Variants in LPA observed in about 807,000 individuals in gnomAD.
The protein encoded by LPA is lipoprotein(a), also known as apolipoprotein(a).
A neutral mutation model predicts 197.9 loss-of-function variants in LPA; 199 were observed. The ratio of observed to expected loss-of-function variants is 1.01; its 90% confidence interval spans 0.90 to 1.13. The LOEUF (loss-of-function observed/expected upper bound fraction) is 1.13. Among genes scored for constraint, LPA ranks in the 50% most tolerant of loss-of-function variants. The pLI, the probability that LPA is intolerant of heterozygous loss-of-function variation, is 0.00. For missense variants in LPA, 1,853 were observed against 1,785.8 expected, an observed-to-expected ratio of 1.04 and a Z score of -0.68; for synonymous variants, 715 against 639.5, an observed-to-expected ratio of 1.12 and a Z score of -1.78.
chr6:160,551,282 T>C (rs1233267943), intron 30 of LPA, among the ~76,000 whole-genome samples: 3 of 152,190 alleles, frequency 2.0e-5, no homozygotes, highest in Non-Finnish European at 4.4e-5. Context: ...ACTCTTTATT[T>C]TTCATGGCTG....
intron 28 of LPA, among the ~76,000 whole-genome samples, chr6:160,565,589 C>A (rs1778437691): frequency 6.6e-6 from 1 of 152,148 alleles, no homozygotes. Flanking sequence ...AGCAGAACAG[C>A]TGAAAATTCT....
chr6:160,545,219 ATG>A (rs1054389675), intron 33 of LPA, among the ~76,000 whole-genome samples: 4 of 150,766 alleles, frequency 2.7e-5, no homozygotes, highest in African/African-American at 9.8e-5. Context: ...TATTTTATTT[ATG>A]TGTGTGTGGT....
chr6:160,545,313 T>G, intron 33 of LPA, 127 bp downstream of exon 33: 1 of 698,354 alleles, frequency 1.4e-6, no homozygotes, highest in East Asian at 2.7e-5. Context: ...CAGGCTCTGG[T>G]GGAGAGGGCA....
At chr6:160,596,337 T>A (rs1408426512) in intron 20 of LPA, among the ~76,000 whole-genome samples, 1 of 152,176 alleles carries the variant, frequency 6.6e-6, no homozygotes, top group Non-Finnish European at 1.5e-5. Context: ...TCTTGTTCAC[T>A]GAATGTCACT....
At chr6:160,547,148 A>G (rs1278924738) in intron 32 of LPA, among the ~76,000 whole-genome samples, 2 of 152,200 alleles carry the variant, frequency 1.3e-5, no homozygotes, top group Non-Finnish European at 2.9e-5. Context: ...ATTGTAATAT[A>G]TAATGAAATA....
Position 160,555,499 on chromosome 6 carries a change from G to A in LPA, c.4973+526C>T, listed in dbSNP as rs532216563. On this transcript the variant is annotated intron_variant, in intron 30 of 38. Coordinates refer to ENST00000316300, the MANE Select transcript of LPA (RefSeq NM_005577.4). ...TGTATATATATATGAATACTAGTCT[G>A]TATGAACATATATATATGAACATAT... 4.1e-3 allele frequency among the ~76,000 whole-genome samples: 585 copies of A among 142,480 alleles called. 1 individual carries two copies. The highest frequency in any genetic ancestry group is 6.9e-3 in the Non-Finnish European group (457 of 66,166). 93.5% of individuals were successfully genotyped at this position (142,480 alleles called of 152,430 possible).
chr6:160,540,417 G>T (rs540714485), intron 35 of LPA, among the ~76,000 whole-genome samples: 3 of 152,194 alleles, frequency 2.0e-5, no homozygotes, highest in Non-Finnish European at 4.4e-5. Flanking sequence ...CCTAAATCTC[G>T]TGTTCAACTG....
chr6:160,601,665 T>C (rs1248394313), intron 18 of LPA, among the ~76,000 whole-genome samples: 2 of 152,198 alleles, frequency 1.3e-5, no homozygotes, highest in African/African-American at 4.8e-5. Context: ...TGTAAAACCA[T>C]TGCACAAAAA....
At chr6:160,599,771 T>A (rs1305001126) in intron 19 of LPA, 112 bp from the exon 20 acceptor site, 1 of 1,166,850 alleles carries the variant, frequency 8.6e-7, no homozygotes, top group Non-Finnish European at 1.3e-6. Context: ...AACCATTCTC[T>A]ATTCTTTATT....
At chr6:160,594,142 A>T (rs1779086093) in intron 21 of LPA, 25 bp from the exon 22 acceptor site, 1 of 1,613,560 alleles carries the variant, frequency 6.2e-7, no homozygotes, top group South Asian at 1.1e-5. Flanking sequence ...GGAGAAATCA[A>T]GCTGAGTAAT....
At chr6:160,602,473 T>C (rs1779263054) in intron 18 of LPA, among the ~76,000 whole-genome samples, 1 of 152,232 alleles carries the variant, frequency 6.6e-6, no homozygotes, top group Non-Finnish European at 1.5e-5. Flanking sequence ...AAGTTAAATA[T>C]ATTGCTATCA....
At chr6:160,576,702 A>ATG (rs1778690199) in intron 28 of LPA, among the ~76,000 whole-genome samples, 1 of 144,570 alleles carries the variant, frequency 6.9e-6, no homozygotes, top group African/African-American at 2.5e-5. Context: ...ATATATATAT[A>ATG]TATATATATA....
At chr6:160,598,505 G>A (rs1779174097) in intron 20 of LPA, among the ~76,000 whole-genome samples, 1 of 152,140 alleles carries the variant, frequency 6.6e-6, no homozygotes, top group East Asian at 1.9e-4. Flanking sequence ...TCTCCCTCTT[G>A]CAATACTCTT....
chr6:160,590,305 C>T (rs1779001308), intron 23 of LPA, among the ~76,000 whole-genome samples: 1 of 152,118 alleles, frequency 6.6e-6, no homozygotes, highest in Admixed American at 6.5e-5. Context: ...AAGTAGACAT[C>T]CACTACTCTT....
chr6:160,576,086 A>T (rs74617384), intron 28 of LPA, among the ~76,000 whole-genome samples: 6,452 of 152,016 alleles, frequency 0.042, 196 homozygotes, highest in Non-Finnish European at 0.069. Context: ...ATACACTACT[A>T]TCTGTTGTGC....
intron 26 of LPA, among the ~76,000 whole-genome samples, chr6:160,579,782 C>T (rs1778755892): frequency 6.6e-6 from 1 of 152,174 alleles, no homozygotes; most frequent in Non-Finnish European, 1.5e-5. Flanking sequence ...TAGTCTCAAG[C>T]CCAGATCCCC....
At chr6:160,604,199 C>T (rs923907305) in intron 18 of LPA, among the ~76,000 whole-genome samples, 9 of 152,112 alleles carry the variant, frequency 5.9e-5, no homozygotes, top group Non-Finnish European at 1.2e-4. Context: ...TCCCAAATTC[C>T]AATCTCTCTC....
chr6:160,658,398 C>T (rs929083099), intron 1 of LPA, among the ~76,000 whole-genome samples: 1 of 152,186 alleles, frequency 6.6e-6, no homozygotes, highest in Admixed American at 6.5e-5. Flanking sequence ...TCTTTCTCTA[C>T]AGGAGTTAAA....
At chr6:160,574,604 CT>C (rs1562327118) in intron 28 of LPA, among the ~76,000 whole-genome samples, 1 of 152,170 alleles carries the variant, frequency 6.6e-6, no homozygotes, top group East Asian at 1.9e-4. Flanking sequence ...CTATATTTTG[CT>C]TGGCTCAGCT....
Sources: gnomAD v4.1 joint callset for allele counts (sites outside exome capture counted in the v4.1 genomes callset) on GRCh38, gnomAD v4.1.1 for gene constraint, MANE v1.5 for transcripts, NCBI Gene and HGNC (gene_info 2026-07-23, HGNC 2026-07-21) for gene names.